The following PDE10A variants were observed in gnomAD, a reference collection of about 807,000 sequenced individuals.
PDE10A encodes phosphodiesterase 10A.
A neutral mutation model predicts 97.7 loss-of-function variants in PDE10A; 39 were observed. The ratio of observed to expected loss-of-function variants is 0.40; its 90% CI spans 0.31 to 0.52. The LOEUF (loss-of-function observed/expected upper bound fraction) is 0.52. Among genes scored for constraint, PDE10A ranks in the 20% least tolerant of loss-of-function variants. The probability of loss-of-function intolerance (pLI) is 0.56; values close to 1 mark genes in which losing one functional copy is unlikely to be tolerated. For synonymous variants in PDE10A, 371 were observed against 376.8 expected (o/e 0.98, Z 0.18); for missense variants, 731 against 1,047.8 (o/e 0.70, Z 4.17).
At chr6:165,722,738 C>T (rs1338075872) in intron 1 of PDE10A, among the ~76,000 whole-genome samples, 4 of 151,966 alleles carry the variant, frequency 2.6e-5, no homozygotes, top group Non-Finnish European at 4.4e-5. Flanking sequence ...AAGACATGTA[C>T]GTAAGTTATA....
intron 17 of PDE10A, 144 bp from the exon 18 acceptor site, chr6:165,379,510 G>T (rs888561265): frequency 3.4e-6 from 2 of 595,090 alleles, no homozygotes; most frequent in African/African-American, 1.9e-5. Context: ...TGTTTTTTTT[G>T]AATAGTTAGA....
intron 2 of PDE10A, among the ~76,000 whole-genome samples, chr6:165,495,225 A>G (rs1054695902): frequency 6.6e-6 from 1 of 152,082 alleles, no homozygotes; most frequent in African/African-American, 2.4e-5. Context: ...AGCTTCTCAG[A>G]CCTAGCCAGT....
chr6:165,495,525 G>A (rs1780484884), intron 2 of PDE10A, among the ~76,000 whole-genome samples: 2 of 145,152 alleles, frequency 1.4e-5, no homozygotes, highest in South Asian at 2.2e-4. Context: ...AATTTTACCA[G>A]GTAAAACTAA....
At chr6:165,892,664 T>C (rs1467550856) in intron 1 of PDE10A, among the ~76,000 whole-genome samples, 1 of 152,080 alleles carries the variant, frequency 6.6e-6, no homozygotes, top group Non-Finnish European at 1.5e-5. Flanking sequence ...TGGCCGTGTC[T>C]CCCTCCCCGG....
intron 1 of PDE10A, among the ~76,000 whole-genome samples, chr6:165,901,312 C>G (rs1054425032): frequency 6.6e-6 from 1 of 152,210 alleles, no homozygotes; most frequent in Non-Finnish European, 1.5e-5. Context: ...AGCTCCACAC[C>G]AGGTATGTCT....
intron 1 of PDE10A, among the ~76,000 whole-genome samples, chr6:165,899,485 G>A (rs777016830): frequency 2.8e-4 from 43 of 152,232 alleles, no homozygotes; most frequent in Non-Finnish European, 5.3e-4. Context: ...AATGGAGACT[G>A]TCACTGCATC....
intron 1 of PDE10A, among the ~76,000 whole-genome samples, chr6:165,567,196 A>T (rs1449836104): frequency 1.3e-5 from 2 of 152,192 alleles, no homozygotes; most frequent in Non-Finnish European, 2.9e-5. Flanking sequence ...ACCAGACACA[A>T]AAGATAAATA....
At chr6:165,700,663 G>A (rs977841326) in intron 1 of PDE10A, among the ~76,000 whole-genome samples, 1 of 152,170 alleles carries the variant, frequency 6.6e-6, no homozygotes, top group Non-Finnish European at 1.5e-5. Flanking sequence ...GGATTGGAGA[G>A]AGGTAGTCAC....
At chr6:165,944,714 G>A (rs1783706820) in intron 1 of PDE10A, among the ~76,000 whole-genome samples, 1 of 152,070 alleles carries the variant, frequency 6.6e-6, no homozygotes, top group African/African-American at 2.4e-5. Context: ...TGGTATGCTG[G>A]GGCCCACTCA....
chr6:165,415,459 T>C (rs1788243981), intron 12 of PDE10A, among the ~76,000 whole-genome samples: 1 of 152,224 alleles, frequency 6.6e-6, no homozygotes. Flanking sequence ...ATCCTGAGAC[T>C]TTCCATTTCT....
chr6:165,625,048 T>C (rs59148743), intron 1 of PDE10A, among the ~76,000 whole-genome samples: 58,874 of 152,034 alleles, frequency 0.39, 13,598 homozygotes, highest in African/African-American at 0.66. Flanking sequence ...TCAAAGTGCA[T>C]GGAGAACAAT....
chr6:165,845,073 T>C (rs1780374509), intron 1 of PDE10A, among the ~76,000 whole-genome samples: 1 of 152,232 alleles, frequency 6.6e-6, no homozygotes, highest in Non-Finnish European at 1.5e-5. Flanking sequence ...ACATAAAAAC[T>C]TCTGCTGATT....
At position 165,819,764 on chromosome 6, in the gene PDE10A, G is replaced by A. The variant is rs1779518206; in HGVS notation, c.-615+167765C>T. 6.6e-6 allele frequency among the ~76,000 whole-genome samples: 1 copy of A among 152,152 alleles called. No homozygotes were observed. Among genetic ancestry groups the A allele is most frequent in the Non-Finnish European group, 1.5e-5 (1 of 68,028 alleles). On this transcript the variant is annotated intron_variant, in intron 1 of 19. Transcript: ENST00000366882. This position sits in a 1 kb window ranked among gnomAD's most constrained non-coding sequence, Gnocchi z 4.2. ...TTCCGGCCAGGATCTGAAACCTACT[G>A]CAGTGCCTACAACAGTGCCTGCCAC...
chr6:165,531,660 A>T (rs1481666973), intron 2 of PDE10A, among the ~76,000 whole-genome samples: 1 of 152,174 alleles, frequency 6.6e-6, no homozygotes, highest in Non-Finnish European at 1.5e-5. Context: ...GTACCTATAA[A>T]TCCCACATCC....
intron 1 of PDE10A, among the ~76,000 whole-genome samples, chr6:165,794,333 A>G (rs1376620675): frequency 6.6e-6 from 1 of 150,554 alleles, no homozygotes; most frequent in Non-Finnish European, 1.5e-5. Flanking sequence ...TCACACACTC[A>G]TAAACACCCA....
chr6:165,656,291 C>T (rs1789961378), intron 1 of PDE10A, among the ~76,000 whole-genome samples: 1 of 132,226 alleles, frequency 7.6e-6, no homozygotes, highest in Admixed American at 7.7e-5. Context: ...CACACACACA[C>T]ACACACCTTT....
chr6:165,677,479 T>G (rs530975444), intron 1 of PDE10A, among the ~76,000 whole-genome samples: 2 of 152,256 alleles, frequency 1.3e-5, no homozygotes, highest in Non-Finnish European at 2.9e-5. Context: ...GATTAAAATA[T>G]TTAGAAATAA....
At chr6:165,871,265 G>C (rs1781197564) in intron 1 of PDE10A, among the ~76,000 whole-genome samples, 1 of 152,158 alleles carries the variant, frequency 6.6e-6, no homozygotes, top group Non-Finnish European at 1.5e-5. Flanking sequence ...TATTGATATA[G>C]GATGGATGAA....
At chr6:165,761,528 C>T (rs73030253) in intron 1 of PDE10A, among the ~76,000 whole-genome samples, 21,390 of 152,076 alleles carry the variant, frequency 0.14, 2,323 homozygotes, top group African/African-American at 0.3. Flanking sequence ...TTGCTTGATA[C>T]AGAAGCCTGG....
Sources: allele counts gnomAD v4.1 joint callset (sites outside exome capture counted in the v4.1 genomes callset), GRCh38; gene constraint gnomAD v4.1.1; non-coding constraint Gnocchi (gnomAD v3.1); transcripts MANE v1.5; gene names NCBI Gene and HGNC (gene_info 2026-07-23, HGNC 2026-07-21).